OR51B5: variants seen among roughly 807,000 people sequenced by gnomAD.
The protein encoded by OR51B5 is olfactory receptor 51B5.
For missense variants in OR51B5, 456 were observed against 374.6 expected (o/e 1.22, Z -1.79); for synonymous variants, 186 against 144.8 (o/e 1.28, Z -2.04).
chr11:5,378,390 C>T (rs1849560183), intron 1 of OR51B5, among the ~76,000 whole-genome samples: 2 of 152,220 alleles, frequency 1.3e-5, no homozygotes, highest in African/African-American at 4.8e-5. Context: ...CCATTCAGGA[C>T]ATAGGCATGG....
intron 1 of OR51B5, among the ~76,000 whole-genome samples, chr11:5,373,835 A>G (rs1045668410): frequency 2.0e-5 from 3 of 152,170 alleles, no homozygotes; most frequent in African/African-American, 7.2e-5. Context: ...GGAAGCTCAA[A>G]CTGGGTGGAC....
rs925304358 is a variant in OR51B5, at chr11:5,460,219, A to G, written n.84+45350T>C. 2.0e-4 allele frequency among the ~76,000 whole-genome samples: 30 copies of G among 152,190 alleles called. 1 individual carries two copies. Among genetic ancestry groups the G allele is most frequent in the African/African-American group, 7.0e-4 (29 of 41,454 alleles). ...ACACATGGACACAGAGAAGGGAACA[A>G]CAGATACTGGGGCCTACTGGAGGGT... On this transcript the variant is annotated intron_variant and non_coding_transcript_variant, in intron 1 of 4. Coordinates refer to the OR51B5 transcript ENST00000415970.
At chr11:5,399,761 GATGCAAAAAAAAAAAA>G in intron 1 of OR51B5, among the ~76,000 whole-genome samples, 2 of 16,314 alleles carry the variant, frequency 1.2e-4, no homozygotes, top group East Asian at 3.2e-4. Flanking sequence ...AACTGAGAAG[GATGCAAAAAAAAAAAA>G]ATGCAAGAAA....
Position 5,354,639 on chromosome 11 carries a change from C to T in OR51B5, n.85-7729G>A, listed in dbSNP as rs555891419. On this transcript the variant is annotated intron_variant and non_coding_transcript_variant, in intron 1 of 4. Coordinates refer to the OR51B5 transcript ENST00000415970. ...CTCCCCACTTCCTCCCGCCCCTCCA[C>T]GCCACCAGCCACACTGAGCGCTCAG... 272 of 158,708 alleles carry T rather than the reference C, an allele frequency of 1.7e-3. 1 individual carries two copies. The highest frequency in any genetic ancestry group is 6.9e-3 in the South Asian group (39 of 5,612). 9.8% of individuals were successfully genotyped at this position (158,708 alleles called of 1,614,324 possible).
chr11:5,424,382 C>T (rs1468704248), intron 1 of OR51B5, among the ~76,000 whole-genome samples: 5 of 152,048 alleles, frequency 3.3e-5, no homozygotes, highest in Non-Finnish European at 5.9e-5. Context: ...CAAAAAAACA[C>T]CTTTCAGCAA....
At chr11:5,433,427 C>T (rs1332498263) in intron 1 of OR51B5, among the ~76,000 whole-genome samples, 1 of 152,186 alleles carries the variant, frequency 6.6e-6, no homozygotes, top group Non-Finnish European at 1.5e-5. Context: ...TTCCAATCAC[C>T]AGTTCACACA....
intron 1 of OR51B5, among the ~76,000 whole-genome samples, chr11:5,428,383 T>G (rs1850480613): frequency 6.6e-6 from 1 of 152,180 alleles, no homozygotes; most frequent in Admixed American, 6.5e-5. Context: ...GTACATACAT[T>G]AAAAATACTT....
chr11:5,440,904 A>G (rs1346160715), intron 1 of OR51B5: 1 of 1,613,816 alleles, frequency 6.2e-7, no homozygotes, highest in Admixed American at 1.7e-5. Flanking sequence ...AAAAATGATC[A>G]CCAAGAGCCC....
intron 1 of OR51B5, among the ~76,000 whole-genome samples, chr11:5,439,099 C>CCT (rs35645484): frequency 0.041 from 6,205 of 150,002 alleles, 422 homozygotes; most frequent in African/African-American, 0.14. Flanking sequence ...TCTCTCTCGT[C>CCT]CTCTCTCTCT....
At position 5,418,230 on chromosome 11, in the gene OR51B5, G is replaced by A. The variant is rs928660901; in HGVS notation, n.85-71320C>T. Among the ~76,000 whole-genome samples the A allele has an allele frequency of 9.9e-5, 15 of 151,998 alleles. 1 individual carries two copies. The highest frequency in any genetic ancestry group is 2.9e-4 in the African/African-American group (12 of 41,452). ...TGAGAACACATGGACACAGGAAGGG[G>A]AACATCACACTCTGGGGACTGTTGT... On this transcript the variant is annotated intron_variant and non_coding_transcript_variant, in intron 1 of 4. Transcript: ENST00000415970.
chr11:5,423,009 C>A (rs752952318), intron 1 of OR51B5: 1 of 1,614,130 alleles, frequency 6.2e-7, no homozygotes, highest in Non-Finnish European at 8.5e-7. Flanking sequence ...GCCAAGCATG[C>A]CTCTCCACTG....
intron 1 of OR51B5, among the ~76,000 whole-genome samples, chr11:5,424,002 C>T (rs1031274410): frequency 1.3e-5 from 2 of 152,086 alleles, no homozygotes; most frequent in South Asian, 2.1e-4. Flanking sequence ...TTTTCACGAG[C>T]AAATATTCTA....
chr11:5,387,400 GGTGGTTGGTTGAGTA>G (rs1175747544), intron 1 of OR51B5, among the ~76,000 whole-genome samples: 3 of 152,084 alleles, frequency 2.0e-5, no homozygotes, highest in African/African-American at 7.2e-5. Flanking sequence ...AACATTATAG[GGTGGTTGGTTGAGTA>G]GTAAACTGAG....
At chr11:5,495,460 G>A (rs1232949556) in intron 1 of OR51B5, among the ~76,000 whole-genome samples, 1 of 152,216 alleles carries the variant, frequency 6.6e-6, no homozygotes, top group African/African-American at 2.4e-5. Flanking sequence ...AACACAAAAT[G>A]TGTAGGTGAG....
intron 1 of OR51B5, chr11:5,390,341 A>G (rs757383098): frequency 1.2e-6 from 2 of 1,611,232 alleles, no homozygotes; most frequent in African/African-American, 2.7e-5. Context: ...CCACCGTGCC[A>G]TTATCAAGTT....
chr11:5,394,222 T>C (rs916026955), intron 1 of OR51B5, among the ~76,000 whole-genome samples: 3 of 152,142 alleles, frequency 2.0e-5, no homozygotes, highest in Non-Finnish European at 2.9e-5. Flanking sequence ...TAAGTCACTT[T>C]ATCTTGACAA....
intron 1 of OR51B5, chr11:5,488,965 A>G: frequency 6.2e-7 from 1 of 1,614,004 alleles, no homozygotes; most frequent in South Asian, 1.1e-5. Flanking sequence ...GATGCTGGCC[A>G]TTTTGTGGCT....
intron 1 of OR51B5, among the ~76,000 whole-genome samples, chr11:5,434,495 G>C (rs909292115): frequency 1.3e-5 from 2 of 152,126 alleles, no homozygotes; most frequent in African/African-American, 4.8e-5. Flanking sequence ...GTCACTTAAG[G>C]GACAGAAGGG....
intron 1 of OR51B5, among the ~76,000 whole-genome samples, chr11:5,436,403 G>GT (rs1167218591): frequency 6.6e-6 from 1 of 152,178 alleles, no homozygotes; most frequent in Non-Finnish European, 1.5e-5. Flanking sequence ...GAGGTTAATG[G>GT]TCTTTCAGCT....
Sources: allele counts gnomAD v4.1 joint callset (sites outside exome capture counted in the v4.1 genomes callset), GRCh38; gene constraint gnomAD v4.1.1; transcripts MANE v1.5; gene names NCBI Gene and HGNC (gene_info 2026-07-23, HGNC 2026-07-21).